The following ALK variants were observed in gnomAD, a reference collection of about 807,000 sequenced individuals.
The protein encoded by ALK is ALK tyrosine kinase receptor.
Under a neutral mutation model 163.1 loss-of-function variants are expected in ALK, and 74 were observed. The ratio of observed to expected loss-of-function variants is 0.45; its 90% CI spans 0.38 to 0.55. The LOEUF is 0.55. Among genes scored for constraint, ALK ranks in the 20% least tolerant of loss-of-function variants. The pLI, the probability that ALK is intolerant of heterozygous loss-of-function variation, is 0.00. For synonymous variants in ALK, 960 were observed against 843.2 expected, an observed-to-expected ratio of 1.14 and a Z score of -2.40; for missense variants, 2,063 against 2,105.3, an observed-to-expected ratio of 0.98 and a Z score of 0.39.
chr2:29,197,805 A>T (rs1669063430), intron 26 of ALK, 129 bp from the exon 27 acceptor site: 1 of 807,562 alleles, frequency 1.2e-6, no homozygotes, highest in Admixed American at 2.0e-5. Context: ...CATAACATAG[A>T]ACTCTTAAAA....
chr2:29,220,810 G>T lies in ALK; in HGVS notation c.3541C>A (p.Arg1181Ser). 6.2e-7 allele frequency: 1 copy of T among 1,614,130 alleles called. No individual in the cohort carries two copies. The highest frequency in any genetic ancestry group is 1.1e-5 in the South Asian group (1 of 91,070). Residue 1181 changes from arginine to serine, a missense_variant, in exon 23 of 29, where the codon CGC (arginine) becomes AGC (serine). Physicochemically the swap from Arg to Ser is moderately radical, Grantham distance 110. Coordinates refer to ENST00000389048, the MANE Select transcript of ALK (RefSeq NM_004304.5). The part of the protein sequence containing the change: ...ISKFNHQNIV[R>S]CIGVSLQSLP... ...GATTGCAGGCTCACCCCAATGCAGC[G>T]AACAATGTTCTGGTGGTTGAATTTG... is the stretch of plus-strand genomic sequence containing the variant.
intron 3 of ALK, among the ~76,000 whole-genome samples, chr2:29,615,227 C>A (rs929070586): frequency 2.0e-5 from 3 of 152,170 alleles, no homozygotes; most frequent in Admixed American, 1.3e-4. Context: ...ATTTACTCTT[C>A]CAGATATCAT....
chr2:29,750,709 C>CAGGCAGGCAGGA (rs1558471782), intron 1 of ALK, among the ~76,000 whole-genome samples: 3 of 109,926 alleles, frequency 2.7e-5, no homozygotes, highest in African/African-American at 7.0e-5. Flanking sequence ...GGCAGGCAGG[C>CAGGCAGGCAGGA]AGGAAGGAAG....
At chr2:29,224,426 A>G (rs1663869637) in intron 19 of ALK, among the ~76,000 whole-genome samples, 1 of 152,160 alleles carries the variant, frequency 6.6e-6, no homozygotes, top group South Asian at 2.1e-4. Flanking sequence ...AATGAAATGA[A>G]TTCACCAACA....
chr2:29,527,465 T>C (rs1573430832), intron 4 of ALK, among the ~76,000 whole-genome samples: 1 of 152,224 alleles, frequency 6.6e-6, no homozygotes, highest in African/African-American at 2.4e-5. Flanking sequence ...AGGGTGCCAC[T>C]GTGGAGATGA....
chr2:29,400,182 T>G (rs538353083), intron 4 of ALK, among the ~76,000 whole-genome samples: 1 of 152,360 alleles, frequency 6.6e-6, no homozygotes, highest in African/African-American at 2.4e-5. Context: ...TCGTTCATTT[T>G]CATGTATTAT....
intron 4 of ALK, among the ~76,000 whole-genome samples, chr2:29,519,423 G>A (rs1314268122): frequency 6.6e-6 from 1 of 152,216 alleles, no homozygotes; most frequent in Non-Finnish European, 1.5e-5. Flanking sequence ...AGTCATGTAG[G>A]ATTGTGAAAT....
chr2:29,913,714 T>C (rs1572496706), intron 1 of ALK, among the ~76,000 whole-genome samples: 2 of 152,316 alleles, frequency 1.3e-5, no homozygotes, highest in East Asian at 1.9e-4. Flanking sequence ...TTTTTTTAGA[T>C]TGAGGGATCT....
rs1311082112 is a variant in ALK, at chr2:29,442,086, A to G, written c.1155-58227T>C. On this transcript the variant is annotated intron_variant, in intron 4 of 28. Coordinates refer to ENST00000389048, the MANE Select transcript of ALK (RefSeq NM_004304.5). ...ATAGGTGCACCGAAGTGCACCCAAG[A>G]CCACTAATGACAAACCCATATCCTG... is the stretch of plus-strand genomic sequence containing the variant. Among the ~76,000 whole-genome samples, 4 of 151,304 alleles carry G rather than the reference A, an allele frequency of 2.6e-5. No individual in the cohort carries two copies. In the East Asian group the frequency reaches 7.8e-4, roughly 29 times the overall value.
intron 5 of ALK, among the ~76,000 whole-genome samples, chr2:29,378,994 T>C (rs1222324367): frequency 6.6e-6 from 1 of 152,164 alleles, no homozygotes; most frequent in Non-Finnish European, 1.5e-5. Context: ...ATTACAGGCA[T>C]GAGCCACCAC....
At chr2:29,508,387 T>A (rs369424237) in intron 4 of ALK, among the ~76,000 whole-genome samples, 178 of 152,224 alleles carry the variant, frequency 1.2e-3, no homozygotes, top group African/African-American at 4.0e-3. Context: ...TGAGTTCATG[T>A]CCTTTGTAGG....
At chr2:29,216,135 T>C (rs1010827234) in intron 23 of ALK, among the ~76,000 whole-genome samples, 2 of 152,156 alleles carry the variant, frequency 1.3e-5, no homozygotes, top group Non-Finnish European at 2.9e-5. Flanking sequence ...TCATCCCTCC[T>C]GCGGCAAAGA....
chr2:29,311,957 G>C (rs77589918), intron 8 of ALK, among the ~76,000 whole-genome samples: 8,243 of 152,196 alleles, frequency 0.054, 299 homozygotes, highest in Non-Finnish European at 0.08. Context: ...TGGCTGGGGA[G>C]AGGAGCTGGT....
chr2:29,736,491 A>ATT (rs1467622760), intron 1 of ALK, among the ~76,000 whole-genome samples: 2 of 152,084 alleles, frequency 1.3e-5, no homozygotes, highest in East Asian at 3.8e-4. Context: ...AGTAACTTAT[A>ATT]TTTTAGTACA....
intron 3 of ALK, among the ~76,000 whole-genome samples, chr2:29,540,622 CT>C (rs1673389713): frequency 6.8e-6 from 1 of 148,048 alleles, no homozygotes; most frequent in Non-Finnish European, 1.5e-5. Context: ...GGTTTTTCTC[CT>C]CATAACTCTG....
intron 4 of ALK, among the ~76,000 whole-genome samples, chr2:29,506,125 T>C (rs1672313624): frequency 6.6e-6 from 1 of 152,176 alleles, no homozygotes; most frequent in Non-Finnish European, 1.5e-5. Flanking sequence ...AGGCTCTACG[T>C]AAGTCTCTGC....
At chr2:29,284,123 G>T (rs1665787138) in intron 9 of ALK, among the ~76,000 whole-genome samples, 1 of 152,236 alleles carries the variant, frequency 6.6e-6, no homozygotes, top group Admixed American at 6.5e-5. Flanking sequence ...AAAAGTCTTG[G>T]AGAATGGTAG....
At chr2:29,760,460 G>C (rs1362910239) in intron 1 of ALK, among the ~76,000 whole-genome samples, 1 of 152,198 alleles carries the variant, frequency 6.6e-6, no homozygotes, top group Non-Finnish European at 1.5e-5. Flanking sequence ...CAGATACATA[G>C]TAAGTGCTTG....
chr2:29,506,997 G>A (rs755658638), intron 4 of ALK, among the ~76,000 whole-genome samples: 5 of 152,102 alleles, frequency 3.3e-5, no homozygotes, highest in Admixed American at 1.3e-4. Flanking sequence ...CCAAATTACC[G>A]TAGGATCCAG....
Sources: allele counts gnomAD v4.1 joint callset (sites outside exome capture counted in the v4.1 genomes callset), GRCh38; gene constraint gnomAD v4.1.1; transcripts MANE v1.5; gene names NCBI Gene and HGNC (gene_info 2026-07-23, HGNC 2026-07-21).